SUPT3H: variants seen among roughly 807,000 people sequenced by gnomAD.
The protein encoded by SUPT3H is transcription initiation protein SPT3 homolog.
Under a neutral mutation model 44.3 loss-of-function variants are expected in SUPT3H, and 44 were observed. The ratio of observed to expected loss-of-function variants is 0.99; its 90% CI spans 0.78 to 1.28. SUPT3H has a LOEUF of 1.28. SUPT3H is among the 50% of genes most tolerant of loss of function. SUPT3H has a pLI of 0.00. For missense variants in SUPT3H, 380 were observed against 387.1 expected (o/e 0.98, Z 0.15); for synonymous variants, 124 against 125.6 (o/e 0.99, Z 0.09).
chr6:45,208,360 C>T (rs1430810197), intron 2 of SUPT3H, among the ~76,000 whole-genome samples: 1 of 152,126 alleles, frequency 6.6e-6, no homozygotes, highest in Non-Finnish European at 1.5e-5. Context: ...AAGGAGCAAA[C>T]AATGATGTAG....
At chr6:45,006,365 T>C (rs1021944811) in intron 5 of SUPT3H, among the ~76,000 whole-genome samples, 3 of 152,044 alleles carry the variant, frequency 2.0e-5, no homozygotes, top group Non-Finnish European at 2.9e-5. Context: ...TCTTGTTTTT[T>C]CCTTTTCCTT....
chr6:44,817,676 C>T (rs1023790181), intron 11 of SUPT3H, among the ~76,000 whole-genome samples: 2 of 151,136 alleles, frequency 1.3e-5, no homozygotes, highest in Non-Finnish European at 2.9e-5. Flanking sequence ...AATTTTATTT[C>T]TCTGTGAAAT....
chr6:44,965,785 T>C (rs1776696741), intron 6 of SUPT3H, among the ~76,000 whole-genome samples: 1 of 152,168 alleles, frequency 6.6e-6, no homozygotes, highest in Non-Finnish European at 1.5e-5. Flanking sequence ...TCCACTATCA[T>C]CTTAAATACT....
intron 2 of SUPT3H, among the ~76,000 whole-genome samples, chr6:45,149,944 T>C (rs1583846100): frequency 1.3e-5 from 2 of 150,810 alleles, no homozygotes; most frequent in South Asian, 4.1e-4. Flanking sequence ...ACTGGCTGAA[T>C]GTTAAAATCA....
chr6:45,192,900 T>C (rs893496966), intron 2 of SUPT3H, among the ~76,000 whole-genome samples: 1 of 152,150 alleles, frequency 6.6e-6, no homozygotes, highest in Non-Finnish European at 1.5e-5. Context: ...ATATGAGAAA[T>C]GCAAAATTGT....
Position 44,894,674 on chromosome 6 carries a change from CT to C in SUPT3H, c.912+37978del, listed in dbSNP as rs535746732. On this transcript the variant is annotated intron_variant, in intron 10 of 10. Coordinates refer to ENST00000371459, the MANE Select transcript of SUPT3H (RefSeq NM_003599.4). Reference sequence around the variant, plus strand: ...GTAGCGTGATGCCTCCAGCTTTGTTCTTTTGGCTTAGGATTGACTTGGTGAT... The same window carrying C: ...GTAGCGTGATGCCTCCAGCTTTGTTCTTTGGCTTAGGATTGACTTGGTGAT... Among the ~76,000 whole-genome samples the C allele has an allele frequency of 2.6e-3, 389 of 152,064 alleles. 5 individuals carry two copies. The highest frequency in any genetic ancestry group is 8.4e-3 in the African/African-American group (348 of 41,484).
intron 2 of SUPT3H, among the ~76,000 whole-genome samples, chr6:45,358,375 A>G (rs911274761): frequency 1.3e-5 from 2 of 152,194 alleles, no homozygotes; most frequent in East Asian, 3.8e-4. Context: ...TGGCTATCAC[A>G]CCGGATAAAA....
chr6:44,965,607 A>G (rs1776666682), intron 6 of SUPT3H, among the ~76,000 whole-genome samples: 1 of 152,086 alleles, frequency 6.6e-6, no homozygotes, highest in Admixed American at 6.5e-5. Flanking sequence ...AAAAAAATGG[A>G]ACAAATTTTG....
chr6:45,066,566 C>T (rs553413804), intron 3 of SUPT3H, among the ~76,000 whole-genome samples: 442 of 99,938 alleles, frequency 4.4e-3, no homozygotes, highest in African/African-American at 6.6e-3. Context: ...GAAAACCCCA[C>T]TGTCTCAGCC....
Position 45,279,054 on chromosome 6 carries a change from A to G in SUPT3H, c.101+86147T>C, listed in dbSNP as rs575955463. Among the ~76,000 whole-genome samples the G allele has an allele frequency of 2.0e-5, 3 of 152,296 alleles. No individual in the cohort carries two copies. In the South Asian group the frequency reaches 6.2e-4, roughly 32 times the overall value. ...TCCAGATCCCAAGTACAATGAAAAA[A>G]CTGTCACCTAATTAAAATTTTTATT... is the stretch of plus-strand genomic sequence containing the variant. On this transcript the variant is annotated intron_variant, in intron 2 of 10. Transcript: ENST00000371459.
chr6:44,844,373 A>G (rs1033011987), intron 10 of SUPT3H, among the ~76,000 whole-genome samples: 1 of 152,198 alleles, frequency 6.6e-6, no homozygotes, highest in African/African-American at 2.4e-5. Context: ...AGATCGATAA[A>G]TCAGACTATG....
intron 10 of SUPT3H, among the ~76,000 whole-genome samples, chr6:44,931,022 G>A (rs1770506728): frequency 6.6e-6 from 1 of 152,168 alleles, no homozygotes; most frequent in Non-Finnish European, 1.5e-5. Context: ...TGTAAATAGT[G>A]TCATCAACCA....
intron 10 of SUPT3H, among the ~76,000 whole-genome samples, chr6:44,903,711 G>A (rs575050100): frequency 3.3e-5 from 5 of 152,130 alleles, no homozygotes; most frequent in East Asian, 1.9e-4. Flanking sequence ...TACCAAAGCC[G>A]GGCAGAGACA....
chr6:45,062,124 G>A (rs562559248), intron 3 of SUPT3H, among the ~76,000 whole-genome samples: 4 of 151,544 alleles, frequency 2.6e-5, no homozygotes, highest in Admixed American at 6.6e-5. Context: ...TTACACTGGC[G>A]TCTGATATGG....
At chr6:45,293,973 T>C (rs1207476409) in intron 2 of SUPT3H, among the ~76,000 whole-genome samples, 1 of 152,122 alleles carries the variant, frequency 6.6e-6, no homozygotes, top group Non-Finnish European at 1.5e-5. Context: ...GAACCCTCCC[T>C]AAATCATTCT....
In SUPT3H at chr6:45,068,767, T is replaced by C. The variant is rs1398854653; in HGVS notation, c.186+37155A>G. 2.6e-5 allele frequency among the ~76,000 whole-genome samples: 4 copies of C among 152,168 alleles called. No homozygotes were observed. The South Asian group carries it at 6.2e-4, about 24-fold the overall frequency. On this transcript the variant is annotated intron_variant, in intron 3 of 10. Transcript: ENST00000371459. Reference sequence around the variant, plus strand: ...TCATAGTGTGTGGACTTCACACTCATTTTGCCTCTTCAGTCTCAGTCTCCC... The same window carrying C: ...TCATAGTGTGTGGACTTCACACTCACTTTGCCTCTTCAGTCTCAGTCTCCC...
chr6:45,289,246 A>C (rs1357345188), intron 2 of SUPT3H, among the ~76,000 whole-genome samples: 1 of 152,130 alleles, frequency 6.6e-6, no homozygotes, highest in Non-Finnish European at 1.5e-5. Flanking sequence ...GAATTTTTAT[A>C]TCCCTACCAT....
Position 44,953,301 on chromosome 6 carries a change from T to C in SUPT3H, c.801+9A>G. On this transcript the variant is annotated intron_variant, in intron 9 of 10. Coordinates refer to ENST00000371459, the MANE Select transcript of SUPT3H (RefSeq NM_003599.4). ...CAAATGTTTTAAGACAGATTTTTTTTGTACTTACCTCAGCAGAGTTGTGAT... is the reference window on the plus strand; with the variant it reads ...CAAATGTTTTAAGACAGATTTTTTTCGTACTTACCTCAGCAGAGTTGTGAT... The C allele has an allele frequency of 6.2e-7, 1 of 1,610,284 alleles. No homozygotes were observed. The highest frequency in any genetic ancestry group is 8.5e-7 in the Non-Finnish European group (1 of 1,176,990).
At chr6:45,219,119 A>C (rs997858244) in intron 2 of SUPT3H, among the ~76,000 whole-genome samples, 2 of 152,102 alleles carry the variant, frequency 1.3e-5, no homozygotes, top group Non-Finnish European at 2.9e-5. Flanking sequence ...AGGAAAAAGA[A>C]ACTCATATCA....
Sources: gnomAD v4.1 joint callset for allele counts (sites outside exome capture counted in the v4.1 genomes callset) on GRCh38, gnomAD v4.1.1 for gene constraint, MANE v1.5 for transcripts, NCBI Gene and HGNC (gene_info 2026-07-23, HGNC 2026-07-21) for gene names.